The following GFRA1 variants were observed in gnomAD, a reference collection of about 807,000 sequenced individuals.
GFRA1 encodes GDNF family receptor alpha 1, also known as GDNF family receptor alpha-1.
GFRA1 carries 16 observed loss-of-function variants against 51.6 expected under a neutral mutation model. That is an observed-to-expected ratio of 0.31 (90% confidence interval 0.21 to 0.47). The LOEUF is 0.47. Ranked by LOEUF, GFRA1 falls within the 20% of genes least tolerant of loss-of-function variation. The probability of loss-of-function intolerance (pLI) is 1.00; values close to 1 mark genes in which losing one functional copy is unlikely to be tolerated. For synonymous variants in GFRA1, 270 were observed against 241.3 expected (o/e 1.12, Z -1.10); for missense variants, 530 against 594.3 (o/e 0.89, Z 1.13).
At chr10:116,073,574 G>A (rs924130402) in intron 9 of GFRA1, among the ~76,000 whole-genome samples, 4 of 152,108 alleles carry the variant, frequency 2.6e-5, no homozygotes, top group African/African-American at 4.8e-5. Flanking sequence ...TTTGTATAGC[G>A]AACATTCAGC....
chr10:116,153,819 G>T (rs1032897589), intron 5 of GFRA1, among the ~76,000 whole-genome samples: 7 of 152,188 alleles, frequency 4.6e-5, no homozygotes, highest in Non-Finnish European at 1.0e-4. Context: ...CACATAGGAG[G>T]AGACATTTTT....
intron 5 of GFRA1, among the ~76,000 whole-genome samples, chr10:116,153,856 T>C (rs971156513): frequency 1.3e-5 from 2 of 152,170 alleles, no homozygotes; most frequent in Non-Finnish European, 2.9e-5. Context: ...AAAGGACTTA[T>C]ATCCAGATTT....
At chr10:116,172,573 G>A (rs1236934193) in intron 5 of GFRA1, among the ~76,000 whole-genome samples, 1 of 152,152 alleles carries the variant, frequency 6.6e-6, no homozygotes, top group East Asian at 1.9e-4. Context: ...AATGGGTTGG[G>A]GGGCAGAGGG....
rs200520611 is a variant in GFRA1, at chr10:116,125,371, T to C, written c.620A>G (p.His207Arg). Reference sequence around the variant, plus strand: ...GGAGCAGAAGAGCATTCCGTAGCTGTGCTTGGCCGGGACCTTGTCAAAGAA... The same window carrying C: ...GGAGCAGAAGAGCATTCCGTAGCTGCGCTTGGCCGGGACCTTGTCAAAGAA... ...RQFFDKVPAK[H>R]SYGMLFCSCR... Residue 207 changes from histidine to arginine, a missense_variant, in exon 6 of 11, where the codon CAC becomes CGC. By Grantham distance (29) the His-to-Arg change is conservative (BLOSUM62 0). Coordinates refer to ENST00000355422, the MANE Select transcript of GFRA1 (RefSeq NM_005264.8). The C allele has an allele frequency of 1.5e-5, 25 of 1,614,118 alleles. No individual in the cohort carries two copies. Among genetic ancestry groups the C allele is most frequent in the Admixed American group, 1.2e-4 (7 of 60,004 alleles).
At position 116,085,016 on chromosome 10, in the gene GFRA1, G is replaced by A. The variant is rs558554041; in HGVS notation, c.1197+4725C>T. Among the ~76,000 whole-genome samples the A allele has an allele frequency of 2.6e-5, 4 of 152,302 alleles. No individual in the cohort carries two copies. The South Asian group carries it at 8.3e-4, about 32-fold the overall frequency. ...ATGACTGCCAATTAATCCTGAAATG[G>A]GAGCTTGGCGGGTAACCCAAAACCC... On this transcript the variant is annotated intron_variant, in intron 9 of 10. Transcript: ENST00000355422.
intron 4 of GFRA1, among the ~76,000 whole-genome samples, chr10:116,264,731 G>A (rs1024572715): frequency 1.3e-5 from 2 of 152,240 alleles, no homozygotes; most frequent in Non-Finnish European, 2.9e-5. Context: ...GTTTGGCTCA[G>A]TGAGCTTGAG....
At chr10:116,150,387 C>A (rs1049785952) in intron 5 of GFRA1, among the ~76,000 whole-genome samples, 2 of 152,184 alleles carry the variant, frequency 1.3e-5, no homozygotes, top group South Asian at 4.1e-4. Flanking sequence ...GGCTGGTCAG[C>A]CTTTCCTGCT....
At chr10:116,065,738 G>T in intron 9 of GFRA1, 112 bp from the exon 10 acceptor site, 2 of 777,078 alleles carry the variant, frequency 2.6e-6, no homozygotes, top group Non-Finnish European at 4.5e-6. Flanking sequence ...GTGAGACACA[G>T]CTGTGAGCTC....
At position 116,125,209 on chromosome 10, in the gene GFRA1, G is replaced by A; in HGVS notation, c.770+12C>T. On this transcript the variant is annotated intron_variant, in intron 6 of 10. Coordinates refer to ENST00000355422, the MANE Select transcript of GFRA1 (RefSeq NM_005264.8). Reference sequence around the variant, plus strand: ...TCACCTCATTAATCACCAGCTGCCAGTGCCCACTTACCTGCAGATGTAATT... The same window carrying A: ...TCACCTCATTAATCACCAGCTGCCAATGCCCACTTACCTGCAGATGTAATT... The A allele has an allele frequency of 6.2e-7, 1 of 1,608,076 alleles. No homozygotes were observed. Among genetic ancestry groups the A allele is most frequent in the Non-Finnish European group, 8.5e-7 (1 of 1,174,492 alleles).
chr10:116,161,925 C>T (rs564452779), intron 5 of GFRA1, among the ~76,000 whole-genome samples: 1 of 152,318 alleles, frequency 6.6e-6, no homozygotes, highest in South Asian at 2.1e-4. Context: ...TGGCCCTGTA[C>T]AAACAAGAAG....
intron 5 of GFRA1, among the ~76,000 whole-genome samples, chr10:116,195,839 T>C (rs919649102): frequency 1.3e-5 from 2 of 152,242 alleles, no homozygotes; most frequent in Non-Finnish European, 2.9e-5. Context: ...ACAGAAAATC[T>C]GAGTTTGAAT....
intron 5 of GFRA1, among the ~76,000 whole-genome samples, chr10:116,205,983 G>A (rs1964727175): frequency 6.9e-6 from 1 of 145,324 alleles, no homozygotes; most frequent in Non-Finnish European, 1.5e-5. Context: ...GTGAATCTAT[G>A]CAAAATTAAA....
At chr10:116,159,072 A>C (rs1397857562) in intron 5 of GFRA1, among the ~76,000 whole-genome samples, 1 of 152,196 alleles carries the variant, frequency 6.6e-6, no homozygotes, top group Non-Finnish European at 1.5e-5. Context: ...AAAAGTGCCA[A>C]CATGCATCCT....
chr10:116,237,226 T>C (rs893144649), intron 4 of GFRA1, among the ~76,000 whole-genome samples: 1 of 152,202 alleles, frequency 6.6e-6, no homozygotes, highest in Non-Finnish European at 1.5e-5. Context: ...TGTTCACTTA[T>C]CTTGAAGGTC....
chr10:116,238,238 C>T (rs1005276711), intron 4 of GFRA1, among the ~76,000 whole-genome samples: 1 of 152,146 alleles, frequency 6.6e-6, no homozygotes, highest in Admixed American at 6.5e-5. Flanking sequence ...AGAGCCGTGT[C>T]TTTCAATGTG....
chr10:116,089,204 C>T (rs904587180), intron 9 of GFRA1, among the ~76,000 whole-genome samples: 2 of 152,114 alleles, frequency 1.3e-5, no homozygotes, highest in African/African-American at 4.8e-5. Context: ...CTCCTCACGG[C>T]TCCTCCTACT....
At chr10:116,237,006 C>T (rs1966918812) in intron 4 of GFRA1, among the ~76,000 whole-genome samples, 1 of 152,168 alleles carries the variant, frequency 6.6e-6, no homozygotes, top group Non-Finnish European at 1.5e-5. Context: ...CAAAACTGTG[C>T]TATCATTATT....
At chr10:116,162,494 C>T (rs1959925227) in intron 5 of GFRA1, among the ~76,000 whole-genome samples, 1 of 152,198 alleles carries the variant, frequency 6.6e-6, no homozygotes, top group Admixed American at 6.5e-5. Flanking sequence ...TCCCTTCTTG[C>T]CAGGCTCCCA....
At chr10:116,248,302 C>T (rs754956521) in intron 4 of GFRA1, among the ~76,000 whole-genome samples, 4 of 152,164 alleles carry the variant, frequency 2.6e-5, no homozygotes, top group Non-Finnish European at 4.4e-5. Context: ...AGGCCTGCAC[C>T]CACTAGACCT....
Sources: gnomAD v4.1 joint callset for allele counts (sites outside exome capture counted in the v4.1 genomes callset) on GRCh38, gnomAD v4.1.1 for gene constraint, MANE v1.5 for transcripts, NCBI Gene and HGNC (gene_info 2026-07-23, HGNC 2026-07-21) for gene names.